The following UTP6 variants were observed in gnomAD, a reference collection of about 807,000 sequenced individuals.
UTP6 encodes UTP6 small subunit processome component, also known as U3 small nucleolar RNA-associated protein 6 homolog.
In UTP6, 60 loss-of-function variants were observed where a neutral mutation model predicts 96.5. The ratio of observed to expected loss-of-function variants is 0.62; its 90% CI spans 0.51 to 0.77. UTP6 has a LOEUF of 0.77. UTP6 is among the 30% of genes least tolerant of loss of function. The pLI is 0.00. For missense variants in UTP6, 637 were observed against 706.5 expected (o/e 0.90, Z 1.12); for synonymous variants, 215 against 240.1 (o/e 0.90, Z 0.96).
chr17:31,867,963 A>C (rs1909921842), intron 17 of UTP6, 83 bp downstream of exon 17: 5 of 1,446,060 alleles, frequency 3.5e-6, no homozygotes, highest in East Asian at 2.4e-5. Flanking sequence ...CTCAAAAAAA[A>C]CAAAAAAACA....
chr17:31,877,070 G>C (rs1011610255), intron 13 of UTP6, among the ~76,000 whole-genome samples: 1 of 152,140 alleles, frequency 6.6e-6, no homozygotes, highest in African/African-American at 2.4e-5. Context: ...TATTTGTGGA[G>C]TGTCAAGGAA....
In UTP6 at chr17:31,894,736, C is replaced by T. The variant is rs762194464; in HGVS notation, c.221G>A (p.Arg74His). 2.6e-5 allele frequency: 42 copies of T among 1,606,704 alleles called. No homozygotes were observed. The highest frequency in any genetic ancestry group is 1.6e-4 in the Middle Eastern group (1 of 6,078). ...ATCCTTCTTAAATGAATATCCAATG[C>T]GCTAAAGGGGGACATAAAAAAACAG... is the stretch of plus-strand genomic sequence containing the variant. ...LLELIQRRRT[R>H]IGYSFKKDEI... The change falls in exon 4 of 19, where the codon CGC (arginine) becomes CAC (histidine). Residue 74 changes from arginine (R) to histidine (H), a missense_variant and splice_region_variant. Coordinates refer to ENST00000261708, the MANE Select transcript of UTP6 (RefSeq NM_018428.3).
chr17:31,885,537 C>T (rs1441416998), intron 9 of UTP6, among the ~76,000 whole-genome samples: 1 of 151,766 alleles, frequency 6.6e-6, no homozygotes, highest in East Asian at 2.0e-4. Flanking sequence ...CGCCTGTAAT[C>T]CCAACACTTT....
intron 16 of UTP6, among the ~76,000 whole-genome samples, chr17:31,870,168 G>T (rs1430515152): frequency 6.6e-6 from 1 of 151,834 alleles, no homozygotes; most frequent in Non-Finnish European, 1.5e-5. Flanking sequence ...AGAATTATTT[G>T]TTTTCCTTTG....
chr17:31,867,073 A>G (rs1361082051), intron 17 of UTP6, among the ~76,000 whole-genome samples: 1 of 152,126 alleles, frequency 6.6e-6, no homozygotes, highest in African/African-American at 2.4e-5. Flanking sequence ...CCTCCTTTAC[A>G]GATGAGGATG....
rs1401672977 is a variant in UTP6 at position 31,901,566 on chromosome 17, C to A, written c.62G>T (p.Arg21Leu). Reference sequence around the variant, plus strand: ...CTCCGCATGACTGAACAGTCCAATGCGCTCCAGCTGTTCCAATTCCGGGAG... The same window carrying A: ...CTCCGCATGACTGAACAGTCCAATGAGCTCCAGCTGTTCCAATTCCGGGAG... ...DRLPELEQLE[R>L]IGLFSHAEIK... Residue 21 changes from arginine to leucine, a missense_variant, in exon 1 of 19, where the codon CGC becomes CTC. Physicochemically the swap from Arg to Leu is moderately radical, Grantham distance 102. Coordinates refer to ENST00000261708, the MANE Select transcript of UTP6 (RefSeq NM_018428.3). 7 of 1,613,936 alleles carry A rather than the reference C, an allele frequency of 4.3e-6. No homozygotes were observed. In the African/African-American group the frequency reaches 9.3e-5, roughly 22 times the overall value.
chr17:31,875,459 A>C, intron 13 of UTP6, 46 bp from the exon 14 acceptor site: 1 of 1,592,342 alleles, frequency 6.3e-7, no homozygotes, highest in Non-Finnish European at 8.6e-7. Flanking sequence ...CTGAAACCCA[A>C]ACAATCTATG....
chr17:31,864,362 G>C (rs1411937677), intron 18 of UTP6, among the ~76,000 whole-genome samples: 1 of 152,150 alleles, frequency 6.6e-6, no homozygotes, highest in Admixed American at 6.6e-5. Context: ...ACTCCAGCCT[G>C]GGTGACAGAG....
chr17:31,899,537 G>C, intron 2 of UTP6, 109 bp downstream of exon 2: 1 of 719,570 alleles, frequency 1.4e-6, no homozygotes, highest in South Asian at 2.3e-5. Flanking sequence ...AGTGAGCAGA[G>C]ATCACACCAT....
chr17:31,873,408 C>G lies in UTP6; in HGVS notation c.1466G>C (p.Gly489Ala), dbSNP rs759849700. The G allele has an allele frequency of 1.9e-6, 3 of 1,614,170 alleles. No individual in the cohort carries two copies. The highest frequency in any genetic ancestry group is 2.5e-6 in the Non-Finnish European group (3 of 1,180,032). ...AAACACAGCTCTGGCCTTTTTGTAG[C>G]CACCACTTCGATAAGCCCAATCCAG... ...KYLDWAYRSG[G>A]YKKARAVFKS... is the part of the protein sequence containing the mutation. Residue 489 changes from glycine (G) to alanine (A), a missense_variant, in exon 16 of 19, where the codon GGC (glycine) becomes GCC (alanine). Gly to Ala is a moderately conservative substitution (Grantham distance 60). Coordinates refer to ENST00000261708, the MANE Select transcript of UTP6 (RefSeq NM_018428.3).
chr17:31,875,687 G>A (rs140490181), intron 13 of UTP6, among the ~76,000 whole-genome samples: 49 of 152,132 alleles, frequency 3.2e-4, no homozygotes, highest in African/African-American at 1.2e-3. Flanking sequence ...GCTGGGTGTG[G>A]TGGTATGCAT....
At chr17:31,878,819 T>G (rs372975504) in intron 11 of UTP6, 38 bp from the exon 12 acceptor site, 2 of 1,559,426 alleles carry the variant, frequency 1.3e-6, no homozygotes, top group African/African-American at 2.7e-5. Flanking sequence ...TCAGATCACT[T>G]AGTTCAACAT....
At chr17:31,886,174 G>T in intron 8 of UTP6, 113 bp from the exon 9 acceptor site, 1 of 813,056 alleles carries the variant, frequency 1.2e-6, no homozygotes. Context: ...GGTAAATCAT[G>T]TCTCTCTCTC....
At chr17:31,887,465 A>C in intron 7 of UTP6, 152 bp from the exon 8 acceptor site, 1 of 606,808 alleles carries the variant, frequency 1.6e-6, no homozygotes. Context: ...CCCTTGCCTC[A>C]GCTTCCTGAG....
chr17:31,888,809 C>T (rs1045760059), intron 7 of UTP6, among the ~76,000 whole-genome samples: 3 of 152,188 alleles, frequency 2.0e-5, no homozygotes, highest in Non-Finnish European at 2.9e-5. Context: ...CAGTGGCTCA[C>T]GCCTGTAATC....
intron 10 of UTP6, among the ~76,000 whole-genome samples, chr17:31,883,465 G>A (rs1457314921): frequency 2.0e-5 from 3 of 151,366 alleles, no homozygotes; most frequent in South Asian, 2.1e-4. Context: ...ACAGGTATGC[G>A]CCACCACGCC....
intron 10 of UTP6, among the ~76,000 whole-genome samples, chr17:31,882,416 GT>G (rs1198418716): frequency 6.6e-6 from 1 of 151,714 alleles, no homozygotes; most frequent in Non-Finnish European, 1.5e-5. Context: ...CACCTTCCAG[GT>G]TCAAGCGATT....
In UTP6 at chr17:31,872,938, C is replaced by CA. The variant is rs978941823; in HGVS notation, c.1496+439dup. ...CTGTCTCAAAAAAACAAAAAAAAAACAAAAAAAAAGGAAAATGAAACAGTG... is the reference window on the plus strand; with the variant it reads ...CTGTCTCAAAAAAACAAAAAAAAAACAAAAAAAAAAGGAAAATGAAACAGTG... On this transcript the variant is annotated intron_variant, in intron 16 of 18. Transcript: ENST00000261708. Among the ~76,000 whole-genome samples, 133 of 145,450 alleles carry CA rather than the reference C, an allele frequency of 9.1e-4. 1 individual carries two copies. The highest frequency in any genetic ancestry group is 2.9e-3 in the African/African-American group (111 of 38,934).
chr17:31,894,866 A>G (rs1268733097), intron 3 of UTP6, 104 bp downstream of exon 3: 1 of 1,278,998 alleles, frequency 7.8e-7, no homozygotes, highest in Non-Finnish European at 1.1e-6. Context: ...TAGGCATATC[A>G]CCACAGTTTT....
Sources: allele counts gnomAD v4.1 joint callset (sites outside exome capture counted in the v4.1 genomes callset), GRCh38; gene constraint gnomAD v4.1.1; transcripts MANE v1.5; gene names NCBI Gene and HGNC (gene_info 2026-07-23, HGNC 2026-07-21).